Variants in KLF8 observed in about 807,000 individuals in gnomAD.
The protein encoded by KLF8 is KLF transcription factor 8.
In KLF8, 10 loss-of-function variants were observed where a neutral mutation model predicts 18.2. The observed-to-expected ratio is 0.55, with a 90% CI of 0.34 to 0.93. KLF8 has a LOEUF of 0.93. KLF8 is among the 40% of genes least tolerant of loss of function. KLF8 has a pLI of 0.02. For missense variants in KLF8, 264 were observed against 277.9 expected, an observed-to-expected ratio of 0.95 and a Z score of 0.36; for synonymous variants, 109 against 97.3, an observed-to-expected ratio of 1.12 and a Z score of -0.71.
the KLF8 span, among the ~76,000 whole-genome samples, chrX:55,992,070 G>C: frequency 8.9e-6 from 1 of 112,217 alleles, no homozygotes; most frequent in Non-Finnish European, 1.9e-5. Flanking sequence ...TTACTCTCTT[G>C]ATAATTTATT....
chrX:56,068,856 T>A, the KLF8 span, among the ~76,000 whole-genome samples: 11 of 111,947 alleles, frequency 9.8e-5, no homozygotes, highest in African/African-American at 3.6e-4. Flanking sequence ...CCCCCACCAC[T>A]GATAGCCATG....
At chrX:56,159,654 G>T in the KLF8 span, among the ~76,000 whole-genome samples, 4 of 112,403 alleles carry the variant, frequency 3.6e-5, no homozygotes, top group African/African-American at 9.7e-5. Flanking sequence ...ATTTCTTCTA[G>T]ATTTTCTAGT....
chrX:56,156,203 T>A, the KLF8 span, among the ~76,000 whole-genome samples: 1 of 112,599 alleles, frequency 8.9e-6, no homozygotes, highest in South Asian at 3.6e-4. Context: ...TTTGATGTTA[T>A]ATCAAAATTT....
chrX:56,215,213 A>C, the KLF8 span, among the ~76,000 whole-genome samples: 271 of 111,999 alleles, frequency 2.4e-3, 1 homozygote, highest in Non-Finnish European at 4.2e-3. Context: ...TGACAGCTTG[A>C]AACTACCACT....
the KLF8 span, among the ~76,000 whole-genome samples, chrX:55,952,530 AC>A: frequency 9.0e-6 from 1 of 111,045 alleles, no homozygotes; most frequent in African/African-American, 3.3e-5. Flanking sequence ...CATCACTTCC[AC>A]CTCTCTGTTG....
the KLF8 span, among the ~76,000 whole-genome samples, chrX:56,133,043 A>G: frequency 2.7e-5 from 3 of 111,702 alleles, no homozygotes; most frequent in South Asian, 1.1e-3. Flanking sequence ...CAACAAAACC[A>G]GTCCAGGACC....
intron 5 of KLF8, among the ~76,000 whole-genome samples, chrX:56,278,470 A>G (rs2067151769): frequency 9.0e-6 from 1 of 111,103 alleles, no homozygotes; most frequent in Non-Finnish European, 1.9e-5. Context: ...CTGGAAAAGA[A>G]GCCTCACGAC....
the KLF8 span, among the ~76,000 whole-genome samples, chrX:55,956,421 G>A: frequency 9.0e-6 from 1 of 111,173 alleles, no homozygotes; most frequent in Non-Finnish European, 1.9e-5. Context: ...ACACCCAAAA[G>A]TGAGATTACT....
In KLF8 at chrX:56,258,711, T is replaced by G. The variant is rs770619128; in HGVS notation, c.82-6469T>G. ...GGTTCAATGTGTAGAAAAGTCTGGA[T>G]AGTAAGGGATCTAAGCACTTTTTTT... On this transcript the variant is annotated intron_variant, in intron 2 of 5. Coordinates refer to ENST00000468660, the MANE Select transcript of KLF8 (RefSeq NM_007250.5). 2.7e-5 allele frequency among the ~76,000 whole-genome samples: 3 copies of G among 112,205 alleles called. No homozygotes were observed. The South Asian group carries it at 1.1e-3, about 41-fold the overall frequency.
the KLF8 span, among the ~76,000 whole-genome samples, chrX:56,188,460 G>A: frequency 2.7e-5 from 3 of 111,591 alleles, no homozygotes; most frequent in East Asian, 8.4e-4. Context: ...GTAATTTATA[G>A]ATTCAATGCC....
the KLF8 span, among the ~76,000 whole-genome samples, chrX:56,104,637 C>G: frequency 2.7e-5 from 3 of 111,152 alleles, no homozygotes; most frequent in Admixed American, 2.9e-4. Context: ...AGAGGACTAT[C>G]GATTTTGTTG....
chrX:55,979,622 T>C, the KLF8 span, among the ~76,000 whole-genome samples: 1 of 112,066 alleles, frequency 8.9e-6, no homozygotes, highest in African/African-American at 3.2e-5. Flanking sequence ...AGATTACTCT[T>C]TGTGAAGCAG....
the KLF8 span, among the ~76,000 whole-genome samples, chrX:56,012,964 C>G: frequency 8.9e-6 from 1 of 111,983 alleles, no homozygotes; most frequent in Non-Finnish European, 1.9e-5. Context: ...TCAAACTATA[C>G]TATAAGGCCA....
chrX:56,134,553 A>C, the KLF8 span, among the ~76,000 whole-genome samples: 9 of 111,963 alleles, frequency 8.0e-5, no homozygotes, highest in African/African-American at 2.9e-4. Context: ...AACTATAAAC[A>C]TTCTAGAAGA....
At chrX:56,070,214 C>G in the KLF8 span, among the ~76,000 whole-genome samples, 1 of 110,207 alleles carries the variant, frequency 9.1e-6, no homozygotes, top group African/African-American at 3.3e-5. Flanking sequence ...CACATGGACA[C>G]AGGGAGGCAA....
the KLF8 span, among the ~76,000 whole-genome samples, chrX:56,154,931 T>C: frequency 3.4e-4 from 38 of 111,513 alleles, no homozygotes; most frequent in African/African-American, 1.2e-3. Flanking sequence ...GTTAGAAAAG[T>C]GATCATTAAA....
chrX:56,109,471 TG>T, the KLF8 span, among the ~76,000 whole-genome samples: 1 of 111,412 alleles, frequency 9.0e-6, no homozygotes, highest in Admixed American at 9.5e-5. Context: ...ATTCTAATGT[TG>T]TTAGGTGGAG....
At chrX:56,202,669 A>C in the KLF8 span, among the ~76,000 whole-genome samples, 1 of 108,427 alleles carries the variant, frequency 9.2e-6, no homozygotes, top group South Asian at 4.1e-4. Context: ...CCCACAAATA[A>C]GTGAGAACAT....
intron 1 of KLF8, among the ~76,000 whole-genome samples, chrX:56,237,389 TTATA>T (rs1037181896): frequency 1.8e-5 from 2 of 108,604 alleles, no homozygotes; most frequent in African/African-American, 6.8e-5. Flanking sequence ...GTAGTTTCTA[TTATA>T]TATATATGTG....
Sources: allele counts gnomAD v4.1 joint callset (sites outside exome capture counted in the v4.1 genomes callset), GRCh38; gene constraint gnomAD v4.1.1; transcripts MANE v1.5; gene names NCBI Gene and HGNC (gene_info 2026-07-23, HGNC 2026-07-21).